Variants in UBXN1 observed in about 807,000 individuals in gnomAD.
UBXN1 encodes the protein UBX domain-containing protein 1.
A neutral mutation model predicts 42.0 loss-of-function variants in UBXN1; 21 were observed. The observed-to-expected ratio is 0.50, with a 90% CI of 0.35 to 0.72. The LOEUF is 0.72. UBXN1 is among the 30% of genes least tolerant of loss of function. UBXN1 has a pLI of 0.00. For synonymous variants in UBXN1, 172 were observed against 142.6 expected (o/e 1.21, Z -1.47); for missense variants, 374 against 382.2 (o/e 0.98, Z 0.18).
At position 62,678,409 on chromosome 11, in the gene UBXN1, C is replaced by T; in HGVS notation, c.221-1G>A. 6.2e-7 allele frequency: 1 copy of T among 1,614,134 alleles called. No homozygotes were observed. Among genetic ancestry groups the T allele is most frequent in the Non-Finnish European group, 8.5e-7 (1 of 1,180,026 alleles). ...CCTTCTCCGGCAGCAGAACCAGATC[C>T]TACAAACAAACAATCGGTATTATTA... On this transcript the variant is annotated splice_acceptor_variant, in intron 3 of 8. Transcript: ENST00000301935. LOFTEE classifies it high-confidence loss of function.
intron 4 of UBXN1, 70 bp downstream of exon 4, chr11:62,678,269 C>A (rs773793618): frequency 1.4e-5 from 22 of 1,611,394 alleles, no homozygotes; most frequent in Non-Finnish European, 1.9e-5. Flanking sequence ...GGTCAAGGTT[C>A]TTTGACCAGA....
chr11:62,676,523 T>C lies in UBXN1; in HGVS notation c.*67A>G. On this transcript the variant is annotated 3_prime_UTR_variant, in exon 9 of 9. Coordinates refer to ENST00000301935, the MANE Select transcript of UBXN1 (RefSeq NM_001286077.2). The stretch of plus-strand genomic sequence containing the variant: ...TGTACAGAACTCAGGGTCTATTTAT[T>C]AGGAAGGAGATGTCAGTGCTTTATC... 6.6e-7 allele frequency: 1 copy of C among 1,520,986 alleles called. No individual in the cohort carries two copies. Among genetic ancestry groups the C allele is most frequent in the Non-Finnish European group, 8.8e-7 (1 of 1,130,040 alleles). 94.2% of individuals were successfully genotyped at this position (1,520,986 alleles called of 1,614,324 possible).
At chr11:62,678,469 T>C (rs978829425) in intron 3 of UBXN1, 26 bp downstream of exon 3, 5 of 1,613,098 alleles carry the variant, frequency 3.1e-6, no homozygotes, top group African/African-American at 1.3e-5. Flanking sequence ...TCCTGAATAA[T>C]CACACCGTGG....
At chr11:62,677,335 A>T in intron 7 of UBXN1, 183 bp downstream of exon 7, 1 of 691,254 alleles carries the variant, frequency 1.4e-6, no homozygotes, top group Non-Finnish European at 2.5e-6. Flanking sequence ...GTATGGGTTT[A>T]AATACAACTG....
At position 62,678,118 on chromosome 11, in the gene UBXN1, C is replaced by T. The variant is rs1325433598; in HGVS notation, c.291G>A (p.Arg97=). Residue 97 remains arginine, a splice_region_variant and synonymous_variant, in exon 5 of 9, where the codon AGG becomes AGA. Coordinates refer to ENST00000301935, the MANE Select transcript of UBXN1 (RefSeq NM_001286077.2). ...GCTTCTGGGCCACCAGCTCCAACAT[C>T]CTGTGTTGCCGAGGGAAAACAGTTC... The part of the protein sequence containing the change: ...SEEERQEQTK[R]MLELVAQKQR... 5.0e-6 allele frequency: 8 copies of T among 1,613,754 alleles called. No individual in the cohort carries two copies. In the South Asian group the frequency reaches 7.7e-5, roughly 16 times the overall value.
Position 62,678,897 on chromosome 11 carries a change from A to G in UBXN1, c.27T>C (p.Ser9=), listed in dbSNP as rs576275003. The change falls in exon 1 of 9, where the codon AGT becomes AGC. Residue 9 remains serine, a synonymous_variant. Transcript: ENST00000301935. MAELTALE[S]LIEMGFPRGR... ...CCCTGGGGAAGCCCATCTCGATGAG[A>G]CTCTCAAGAGCCGTCAGCTCCGCCA... 6.3e-7 allele frequency: 1 copy of G among 1,599,734 alleles called. No individual in the cohort carries two copies. The highest frequency in any genetic ancestry group is 8.5e-7 in the Non-Finnish European group (1 of 1,175,880).
In UBXN1 at chr11:62,676,518, T is replaced by C. The variant is rs1945020809; in HGVS notation, c.*72A>G. 2 of 1,512,582 alleles carry C rather than the reference T, an allele frequency of 1.3e-6. No individual in the cohort carries two copies. Among genetic ancestry groups the C allele is most frequent in the Non-Finnish European group, 1.8e-6 (2 of 1,123,048 alleles). 93.7% of individuals were successfully genotyped at this position (1,512,582 alleles called of 1,614,324 possible). A position where few individuals can be genotyped will look rare whatever the true frequency, so the allele number is the denominator to read the frequency against. On this transcript the variant is annotated 3_prime_UTR_variant, in exon 9 of 9. Transcript: ENST00000301935. ...AGGCATGTACAGAACTCAGGGTCTATTTATTAGGAAGGAGATGTCAGTGCT... is the reference window on the plus strand; with the variant it reads ...AGGCATGTACAGAACTCAGGGTCTACTTATTAGGAAGGAGATGTCAGTGCT...
chr11:62,677,156 C>T (rs1263805507), intron 7 of UBXN1, 151 bp from the exon 8 acceptor site: 1 of 858,800 alleles, frequency 1.2e-6, no homozygotes, highest in Admixed American at 2.9e-5. Context: ...CACTTAGGCT[C>T]CGCTTTACTA....
chr11:62,677,799 T>C lies in UBXN1; in HGVS notation c.516A>G (p.Lys172=), dbSNP rs1945050641. 1 of 1,614,108 alleles carries C rather than the reference T, an allele frequency of 6.2e-7. No homozygotes were observed. Among genetic ancestry groups the C allele is most frequent in the South Asian group, 1.1e-5 (1 of 91,094 alleles). The change falls in exon 6 of 9, where the codon AAA becomes AAG. Residue 172 remains lysine, a synonymous_variant. Transcript: ENST00000301935. ...CACCTACCTTCTTGGCTCTCTCTGC[T>C]TTGTCCCTCTCGATCTTTTCTCTAA... ...QRVREKIERD[K]AERAKKYGGS...
Position 62,676,902 on chromosome 11 carries a change from C to A in UBXN1, c.755G>T (p.Gly252Val). 6.2e-7 allele frequency: 1 copy of A among 1,613,970 alleles called. No individual in the cohort carries two copies. The highest frequency in any genetic ancestry group is 2.2e-5 in the East Asian group (1 of 44,888). The change falls in exon 8 of 9, where the codon GGT becomes GTT. Residue 252 changes from glycine to valine, a missense_variant. Gly to Val is a moderately radical substitution (Grantham distance 109). Transcript: ENST00000301935. ...YVELHRGEEL[G>V]GGQDPVQLLS... ...CAATTGCACAGGGTCCTGGCCCCCA[C>A]CTAGTTCCTCCCCACGGTGGAGCTC...
At chr11:62,677,729 G>A (rs751449639) in intron 6 of UBXN1, 52 bp downstream of exon 6, 3 of 1,613,788 alleles carry the variant, frequency 1.9e-6, no homozygotes, top group African/African-American at 1.3e-5. Context: ...AGCTGGAAAA[G>A]ATTTACTAAC....
At chr11:62,677,107 A>G in intron 7 of UBXN1, 102 bp from the exon 8 acceptor site, 3 of 1,302,072 alleles carry the variant, frequency 2.3e-6, no homozygotes, top group Non-Finnish European at 2.1e-6. Context: ...TCTTAGATTG[A>G]ACCAGCACAA....
intron 7 of UBXN1, 102 bp downstream of exon 7, chr11:62,677,416 G>A (rs1006789685): frequency 2.3e-5 from 26 of 1,137,208 alleles, no homozygotes; most frequent in Non-Finnish European, 2.6e-5. Context: ...AAAGAAGGGA[G>A]AGATTTGGCA....
rs776675448 is a variant in UBXN1, at chr11:62,678,776, G to A, written c.60-33C>T. On this transcript the variant is annotated intron_variant, in intron 1 of 8. Transcript: ENST00000301935. Reference sequence around the variant, plus strand: ...CAGAAACACCATGAATAGCGCCCACGAGCCATGGTGACGGTCAGGCTGGGG... The same window carrying A: ...CAGAAACACCATGAATAGCGCCCACAAGCCATGGTGACGGTCAGGCTGGGG... 3.7e-6 allele frequency: 6 copies of A among 1,612,774 alleles called. No homozygotes were observed. In the South Asian group the frequency reaches 4.4e-5, roughly 12 times the overall value.
chr11:62,677,881 C>T (rs755320195), intron 5 of UBXN1, 46 bp downstream of exon 5: 3 of 1,614,194 alleles, frequency 1.9e-6, no homozygotes, highest in South Asian at 1.1e-5. Context: ...CAAAGCAAAT[C>T]TTGATTTCTT....
chr11:62,676,542 C>A lies in UBXN1; in HGVS notation c.*48G>T, dbSNP rs1227073186. ...ATTTATTAGGAAGGAGATGTCAGTG[C>A]TTTATCAAAGATGAAGGGGTCACAG... On this transcript the variant is annotated 3_prime_UTR_variant, in exon 9 of 9. Transcript: ENST00000301935. The A allele has an allele frequency of 6.5e-7, 1 of 1,544,534 alleles. No individual in the cohort carries two copies. The highest frequency in any genetic ancestry group is 1.9e-5 in the Admixed American group (1 of 51,524).
Position 62,677,769 on chromosome 11 carries a change from T to G in UBXN1, c.534+12A>C, listed in dbSNP as rs1945049993. On this transcript the variant is annotated intron_variant, in intron 6 of 8. Coordinates refer to ENST00000301935, the MANE Select transcript of UBXN1 (RefSeq NM_001286077.2). Reference sequence around the variant, plus strand: ...CCACTCCATTACCCGTGGCGTCTTCTCAGTCACCTACCTTCTTGGCTCTCT... The same window carrying G: ...CCACTCCATTACCCGTGGCGTCTTCGCAGTCACCTACCTTCTTGGCTCTCT... 2 of 1,614,118 alleles carry G rather than the reference T, an allele frequency of 1.2e-6. No homozygotes were observed. The highest frequency in any genetic ancestry group is 1.3e-5 in the African/African-American group (1 of 74,944).
rs1356785618 is a variant in UBXN1 at position 62,678,515 on chromosome 11, G to A, written c.200C>T (p.Ser67Leu). ...AGGACCTTCAAGGCCGCCTTGCTCT[G>A]AGGAAGTGGGCTCCCGTCCCAGGAT... ...GHILGREPTS[S>L]EQGGLEGSGS... The change falls in exon 3 of 9, where the codon TCA becomes TTA. Residue 67 changes from serine (S) to leucine (L), a missense_variant. Transcript: ENST00000301935. 4 of 1,611,548 alleles carry A rather than the reference G, an allele frequency of 2.5e-6. No individual in the cohort carries two copies. The highest frequency in any genetic ancestry group is 3.4e-6 in the Non-Finnish European group (4 of 1,178,742).
intron 7 of UBXN1, 108 bp downstream of exon 7, chr11:62,677,410 A>G: frequency 9.2e-7 from 1 of 1,082,646 alleles, no homozygotes; most frequent in South Asian, 1.3e-5. Context: ...ATTTACAAAG[A>G]AGGGAGAGAT....
Sources: allele counts gnomAD v4.1 joint callset, GRCh38; gene constraint gnomAD v4.1.1; transcripts MANE v1.5; gene names NCBI Gene and HGNC (gene_info 2026-07-23, HGNC 2026-07-21).